TENM3: variants seen among roughly 807,000 people sequenced by gnomAD.
TENM3 encodes the protein teneurin transmembrane protein 3.
TENM3 carries 63 observed loss-of-function variants against 255.1 expected under a neutral mutation model. The observed-to-expected ratio is 0.25, with a 90% CI of 0.20 to 0.30. The LOEUF (loss-of-function observed/expected upper bound fraction) is 0.30, where lower values mean the gene tolerates loss of function less well. TENM3 is among the 10% of genes least tolerant of loss of function. The pLI is 1.00. For synonymous variants in TENM3, 1,306 were observed against 1,322.3 expected (o/e 0.99, Z 0.27); for missense variants, 2,929 against 3,461.1 (o/e 0.85, Z 3.86).
At chr4:182,306,468 A>G (rs1338765410) in intron 1 of TENM3, among the ~76,000 whole-genome samples, 1 of 152,246 alleles carries the variant, frequency 6.6e-6, no homozygotes, top group Middle Eastern at 3.2e-3. Context: ...ATAAGTAGAT[A>G]GGTGTTTCCT....
At chr4:182,447,935 G>A (rs530371260) in intron 3 of TENM3, among the ~76,000 whole-genome samples, 9 of 152,174 alleles carry the variant, frequency 5.9e-5, no homozygotes, top group Non-Finnish European at 1.3e-4. Flanking sequence ...AATGATAATA[G>A]TGGATCTGGA....
At chr4:182,691,305 A>AT (rs1191131300) in intron 12 of TENM3, among the ~76,000 whole-genome samples, 2 of 152,212 alleles carry the variant, frequency 1.3e-5, no homozygotes, top group African/African-American at 4.8e-5. Flanking sequence ...AATCAGCCAG[A>AT]TTTTTTTCTT....
intron 3 of TENM3, among the ~76,000 whole-genome samples, chr4:182,486,925 G>C (rs1734797079): frequency 6.6e-6 from 1 of 152,306 alleles, no homozygotes; most frequent in African/African-American, 2.4e-5. Context: ...AAGACATCCA[G>C]TTCCTGGCAA....
the TENM3 span, among the ~76,000 whole-genome samples, chr4:181,774,105 T>C: frequency 0.48 from 41,171 of 85,480 alleles, 10,709 homozygotes; most frequent in Non-Finnish European, 0.54. Flanking sequence ...CATGCTGGTG[T>C]GCTGCACCCA....
intron 3 of TENM3, among the ~76,000 whole-genome samples, chr4:182,530,600 C>T (rs1739679110): frequency 6.6e-6 from 1 of 152,090 alleles, no homozygotes; most frequent in South Asian, 2.1e-4. Context: ...CTGACCTCTA[C>T]CTACTAGATG....
Position 182,751,923 on chromosome 4 carries a change from T to C in TENM3, c.3753T>C (p.Thr1251=), listed in dbSNP as rs773125973. Residue 1251 remains threonine, a synonymous_variant, in exon 20 of 28, where the codon ACT becomes ACC. Transcript: ENST00000511685. ...CACTTACGGGGGCAAAAGACTTGAC[T>C]AAAAATGCAGAAGTCGTCGCAGGGA... The part of the protein sequence containing the change: ...PKSLTGAKDL[T]KNAEVVAGTG... 5.6e-6 allele frequency: 9 copies of C among 1,613,844 alleles called. No individual in the cohort carries two copies. Among genetic ancestry groups the C allele is most frequent in the Non-Finnish European group, 7.6e-6 (9 of 1,179,880 alleles).
intron 1 of TENM3, among the ~76,000 whole-genome samples, chr4:182,262,175 G>A (rs1247952026): frequency 6.6e-6 from 1 of 152,086 alleles, no homozygotes; most frequent in Non-Finnish European, 1.5e-5. Flanking sequence ...TAGCTACATG[G>A]CATTTGTAAT....
At chr4:181,912,769 C>CAA in the TENM3 span, among the ~76,000 whole-genome samples, 63 of 83,634 alleles carry the variant, frequency 7.5e-4, no homozygotes, top group African/African-American at 1.8e-3. Flanking sequence ...AAGACTATCT[C>CAA]AAAAAAAAAA....
the TENM3 span, among the ~76,000 whole-genome samples, chr4:181,948,694 G>A: frequency 6.6e-6 from 1 of 152,152 alleles, no homozygotes; most frequent in African/African-American, 2.4e-5. Context: ...GGGATTACAG[G>A]TGTGAGCCAC....
At chr4:181,713,187 G>A in the TENM3 span, among the ~76,000 whole-genome samples, 1 of 152,168 alleles carries the variant, frequency 6.6e-6, no homozygotes, top group African/African-American at 2.4e-5. Context: ...GAAACTAAGT[G>A]TGCCTTTGTC....
At chr4:182,167,327 G>A (rs138202870) in intron 1 of TENM3, among the ~76,000 whole-genome samples, 2 of 152,214 alleles carry the variant, frequency 1.3e-5, no homozygotes, top group East Asian at 1.9e-4. Context: ...ATCTCATTAG[G>A]CTTAGAAGTA....
chr4:182,471,060 A>G (rs1561482438), intron 3 of TENM3, among the ~76,000 whole-genome samples: 1 of 152,142 alleles, frequency 6.6e-6, no homozygotes. Context: ...TTTTCTGCCT[A>G]TTTTCTTGTG....
chr4:181,485,489 T>TTAAA, the TENM3 span, among the ~76,000 whole-genome samples: 9 of 151,468 alleles, frequency 5.9e-5, no homozygotes, highest in African/African-American at 1.7e-4. Context: ...AGATTTTTTT[T>TTAAA]AAAAAAAAGA....
At chr4:182,728,797 T>A (rs1760438927) in intron 13 of TENM3, among the ~76,000 whole-genome samples, 168 bp from the exon 14 acceptor site, 1 of 152,162 alleles carries the variant, frequency 6.6e-6, no homozygotes, top group Non-Finnish European at 1.5e-5. Context: ...GACTATTGTA[T>A]TTCTATTTCT....
intron 12 of TENM3, among the ~76,000 whole-genome samples, chr4:182,704,273 C>T (rs906372652): frequency 6.6e-6 from 1 of 152,134 alleles, no homozygotes; most frequent in African/African-American, 2.4e-5. Context: ...CATCACACAC[C>T]ACACAAGGCA....
chr4:182,015,841 C>G, the TENM3 span, among the ~76,000 whole-genome samples: 4 of 152,316 alleles, frequency 2.6e-5, no homozygotes, highest in East Asian at 5.8e-4. Context: ...GCCACTGCGC[C>G]TGGCCTGATT....
chr4:182,441,481 C>G (rs1015497379), intron 3 of TENM3, among the ~76,000 whole-genome samples: 42 of 152,148 alleles, frequency 2.8e-4, no homozygotes, highest in African/African-American at 9.7e-4. Context: ...CACTCATTCC[C>G]AAACCAGCAT....
chr4:182,131,174 G>T, the TENM3 span, among the ~76,000 whole-genome samples: 1 of 152,116 alleles, frequency 6.6e-6, no homozygotes, highest in Admixed American at 6.5e-5. Flanking sequence ...GGGGTGTGCA[G>T]AACAGACAAA....
At chr4:182,713,406 T>G (rs1040920281) in intron 12 of TENM3, among the ~76,000 whole-genome samples, 1 of 152,232 alleles carries the variant, frequency 6.6e-6, no homozygotes, top group African/African-American at 2.4e-5. Context: ...TCCTAATGTT[T>G]GTTAGAATAG....
Sources: gnomAD v4.1 joint callset for allele counts (sites outside exome capture counted in the v4.1 genomes callset) on GRCh38, gnomAD v4.1.1 for gene constraint, MANE v1.5 for transcripts, NCBI Gene and HGNC (gene_info 2026-07-23, HGNC 2026-07-21) for gene names.